Variants in TNXB observed in about 807,000 individuals in gnomAD.
TNXB encodes tenascin-X.
TNXB carries 183 observed loss-of-function variants against 340.5 expected under a neutral mutation model. The ratio of observed to expected loss-of-function variants is 0.54; its 90% CI spans 0.48 to 0.61. TNXB has a LOEUF of 0.61. Ranked by LOEUF, TNXB falls within the 20% of genes least tolerant of loss-of-function variation. The pLI is 0.00. For synonymous variants in TNXB, 2,121 were observed against 2,314.5 expected, an observed-to-expected ratio of 0.92 and a Z score of 2.40; for missense variants, 4,613 against 5,446.4, an observed-to-expected ratio of 0.85 and a Z score of 4.82.
Position 32,061,580 on chromosome 6 carries a change from G to T in TNXB, c.7309C>A (p.Arg2437Ser). ...LSLSWTVPQG[R>S]FDSFTVQYKD... Reference sequence around the variant, plus strand: ...TACTGCACGGTGAAGGAGTCGAAGCGGCCCTGGGGGACGGTCCAGGAGAGG... The same window carrying T: ...TACTGCACGGTGAAGGAGTCGAAGCTGCCCTGGGGGACGGTCCAGGAGAGG... The change falls in exon 21 of 44, where the codon CGC becomes AGC. Residue 2437 changes from arginine (R) to serine (S), a missense_variant. By Grantham distance (110) the Arg-to-Ser change is moderately radical. Transcript: ENST00000644971. The surrounding 1 kb of genome is among the most constrained non-coding windows in gnomAD (Gnocchi z 4.4). 6.2e-7 allele frequency: 1 copy of T among 1,613,244 alleles called. No individual in the cohort carries two copies.
rs1207791655 is a variant in TNXB, at chr6:32,048,047, T to G, written c.10046-35A>C. 1.9e-6 allele frequency: 3 copies of G among 1,586,776 alleles called. No homozygotes were observed. The Admixed American group carries it at 5.1e-5, about 27-fold the overall frequency. Reference sequence around the variant, plus strand: ...ACAGTGAGGTGCATGGAGAGTGGGATGGAGGCAAAGGGGCCACGGAGCTTC... The same window carrying G: ...ACAGTGAGGTGCATGGAGAGTGGGAGGGAGGCAAAGGGGCCACGGAGCTTC... On this transcript the variant is annotated intron_variant, in intron 29 of 43. Coordinates refer to ENST00000644971, the MANE Select transcript of TNXB (RefSeq NM_001365276.2).
At position 32,050,185 on chromosome 6, in the gene TNXB, C is replaced by T. The variant is rs1777187888; in HGVS notation, c.9252G>A (p.Glu3084=). ...DSLSLSWMVP[E]GQFDHFLVQY... is the part of the protein sequence containing the mutation. Reference sequence around the variant, plus strand: ...GGACCAGGAAGTGGTCAAACTGGCCCTCGGGAACCATCCAGGACAGGCTGA... The same window carrying T: ...GGACCAGGAAGTGGTCAAACTGGCCTTCGGGAACCATCCAGGACAGGCTGA... Residue 3084 remains glutamate (E), a synonymous_variant, in exon 27 of 44, where the codon GAG becomes GAA. Coordinates refer to ENST00000644971, the MANE Select transcript of TNXB (RefSeq NM_001365276.2). 6.2e-7 allele frequency: 1 copy of T among 1,613,854 alleles called. No homozygotes were observed. Among genetic ancestry groups the T allele is most frequent in the Non-Finnish European group, 8.5e-7 (1 of 1,179,888 alleles).
Position 32,049,233 on chromosome 6 carries a change from G to T in TNXB, c.9757+37C>A, listed in dbSNP as rs1777093031. The T allele has an allele frequency of 1.3e-6, 2 of 1,590,154 alleles. No individual in the cohort carries two copies. The highest frequency in any genetic ancestry group is 1.3e-5 in the African/African-American group (1 of 74,394). On this transcript the variant is annotated intron_variant, in intron 28 of 43. Coordinates refer to ENST00000644971, the MANE Select transcript of TNXB (RefSeq NM_001365276.2). The surrounding 1 kb of genome is among the most constrained non-coding windows in gnomAD (Gnocchi z 4.5). ...AGGAGAAACACAAGGGGGCTGCAGA[G>T]GTAAACCTGGGGACGAGGGCCTGTC...
At chr6:32,065,207 C>T (rs1778272801) in intron 18 of TNXB, 90 bp from the exon 19 acceptor site, 1 of 1,155,176 alleles carries the variant, frequency 8.7e-7, no homozygotes. Flanking sequence ...AAGGTGGGCC[C>T]AGTCTGGCCC....
In TNXB at chr6:32,089,866, C is replaced by T. The variant is rs1281217098; in HGVS notation, c.2359-487G>A. Among the ~76,000 whole-genome samples the T allele has an allele frequency of 2.6e-5, 4 of 152,178 alleles. No individual in the cohort carries two copies. The highest frequency in any genetic ancestry group is 4.4e-5 in the Non-Finnish European group (3 of 68,038). ...AGCTTTGCCCTGGCAACTCTGACTA[C>T]CTGGGCATGAGGAGCCTTTTCCTAA... On this transcript the variant is annotated intron_variant, in intron 4 of 43. Coordinates refer to ENST00000644971, the MANE Select transcript of TNXB (RefSeq NM_001365276.2). The surrounding 1 kb of genome is among the most constrained non-coding windows in gnomAD (Gnocchi z 6.2).
intron 3 of TNXB, 29 bp from the exon 4 acceptor site, chr6:32,095,220 T>C (rs945037646): frequency 4.6e-6 from 7 of 1,535,940 alleles, no homozygotes; most frequent in Non-Finnish European, 6.2e-6. Context: ...TAGGGAAAGC[T>C]GGTTAGCACA....
rs1363417213 is a variant in TNXB, at chr6:32,108,074, T to C, written c.-9+1107A>G. Among the ~76,000 whole-genome samples the C allele has an allele frequency of 1.3e-5, 2 of 152,112 alleles. No individual in the cohort carries two copies. Among genetic ancestry groups the C allele is most frequent in the African/African-American group, 4.8e-5 (2 of 41,416 alleles). Reference sequence around the variant, plus strand: ...TGCAATGAGAGACAGGAAGGCAGTTTCTGGTCCTGCACCTAGTGGCTAGGT... The same window carrying C: ...TGCAATGAGAGACAGGAAGGCAGTTCCTGGTCCTGCACCTAGTGGCTAGGT... On this transcript the variant is annotated intron_variant, in intron 1 of 43. Coordinates refer to ENST00000644971, the MANE Select transcript of TNXB (RefSeq NM_001365276.2). The surrounding 1 kb of genome is among the most constrained non-coding windows in gnomAD (Gnocchi z 4.8).
In TNXB at chr6:32,096,056, C is replaced by T. The variant is rs778563805; in HGVS notation, c.1797G>A (p.Val599=). 21 of 1,613,172 alleles carry T rather than the reference C, an allele frequency of 1.3e-5. 1 individual carries two copies. The highest frequency in any genetic ancestry group is 1.2e-4 in the South Asian group (11 of 91,034). The change falls in exon 3 of 44, where the codon GTG becomes GTA. Residue 599 remains valine, a synonymous_variant. Transcript: ENST00000644971. ...AACAGATGCACACACCGTCCTGGCA[C>T]ACGCCGTGCTGGCTGCAGTCATTCG... is the stretch of plus-strand genomic sequence containing the variant. The part of the protein sequence containing the change: ...QCPNDCSQHG[V]CQDGVCICWE...
At chr6:32,091,558 A>G (rs183782513) in intron 4 of TNXB, among the ~76,000 whole-genome samples, 4 of 148,660 alleles carry the variant, frequency 2.7e-5, no homozygotes, top group African/African-American at 1.0e-4. Context: ...GCTCACTACA[A>G]CCTCCGCCTC....
Position 32,058,080 on chromosome 6 carries a change from C to G in TNXB, c.7803G>C (p.Pro2601=), listed in dbSNP as rs749876302. The part of the protein sequence containing the change: ...YGLHEGRRLG[P]VSAVGVTEDE... Reference sequence around the variant, plus strand: ...CACCTGTGACGCCCACGGCAGACACCGGGCCCAGGCGCCGCCCCTCGTGGA... The same window carrying G: ...CACCTGTGACGCCCACGGCAGACACGGGGCCCAGGCGCCGCCCCTCGTGGA... Residue 2601 remains proline (P), a synonymous_variant, in exon 22 of 44, where the codon CCG becomes CCC. Coordinates refer to ENST00000644971, the MANE Select transcript of TNXB (RefSeq NM_001365276.2). The surrounding 1 kb of genome is among the most constrained non-coding windows in gnomAD (Gnocchi z 5.1). 5.0e-6 allele frequency: 8 copies of G among 1,610,796 alleles called. No individual in the cohort carries two copies. Among genetic ancestry groups the G allele is most frequent in the Non-Finnish European group, 5.9e-6 (7 of 1,178,538 alleles).
At position 32,097,848 on chromosome 6, in the gene TNXB, G is replaced by A. The variant is rs373536740; in HGVS notation, c.351C>T (p.Leu117=). The A allele has an allele frequency of 3.9e-6, 6 of 1,533,452 alleles. No individual in the cohort carries two copies. The African/African-American group carries it at 5.5e-5, about 14-fold the overall frequency. 95.0% of individuals were successfully genotyped at this position (1,533,452 alleles called of 1,614,324 possible). The change falls in exon 2 of 44, where the codon CTC becomes CTT. Residue 117 remains leucine, a synonymous_variant. Coordinates refer to ENST00000644971, the MANE Select transcript of TNXB (RefSeq NM_001365276.2). This position sits in a 1 kb window ranked among gnomAD's most constrained non-coding sequence, Gnocchi z 5.9. The stretch of plus-strand genomic sequence containing the variant: ...AACATCCCCCAGTGCACTGTTCCTT[G>A]AGCCCCTTCACCAACTCCTCCAGGA... The part of the protein sequence containing the change: ...LEILEELVKG[L]KEQCTGGCCP...
chr6:32,072,117 C>T lies in TNXB; in HGVS notation c.4863G>A (p.Val1621=). ...YKDRDGQPQV[V]PVAADQREVT... is the part of the protein sequence containing the mutation. ...CCTCCCGCTGATCTGCAGCCACGGG[C>T]ACCACCTGGGGCTGCCCGTCCCTGT... The change falls in exon 13 of 44, where the codon GTG becomes GTA. Residue 1621 remains valine, a synonymous_variant. Transcript: ENST00000644971. This position sits in a 1 kb window ranked among gnomAD's most constrained non-coding sequence, Gnocchi z 4.4. 1 of 1,613,148 alleles carries T rather than the reference C, an allele frequency of 6.2e-7. No individual in the cohort carries two copies. Among genetic ancestry groups the T allele is most frequent in the East Asian group, 2.2e-5 (1 of 44,880 alleles).
chr6:32,055,622 A>T (rs1777575602), intron 24 of TNXB, among the ~76,000 whole-genome samples: 1 of 152,076 alleles, frequency 6.6e-6, no homozygotes, highest in Non-Finnish European at 1.5e-5. Context: ...GAACTTTGCT[A>T]CTCAAGGGGC....
rs565728514 is a variant in TNXB at position 32,079,402 on chromosome 6, T to G, written c.4043-37A>C. Reference sequence around the variant, plus strand: ...GATAGAGGCATAAAGGGCTGCTGGCTTTGCTGCTGCTGCCCACAGATGACA... The same window carrying G: ...GATAGAGGCATAAAGGGCTGCTGGCGTTGCTGCTGCTGCCCACAGATGACA... On this transcript the variant is annotated intron_variant, in intron 10 of 43. Coordinates refer to ENST00000644971, the MANE Select transcript of TNXB (RefSeq NM_001365276.2). This position sits in a 1 kb window ranked among gnomAD's most constrained non-coding sequence, Gnocchi z 7.1. 5 of 1,513,278 alleles carry G rather than the reference T, an allele frequency of 3.3e-6. No homozygotes were observed. The South Asian group carries it at 6.2e-5, about 19-fold the overall frequency. The allele number at this position is 1,513,278 out of a possible 1,614,324, so 93.7% of individuals were successfully genotyped here.
rs1308761583 is a variant in TNXB, at chr6:32,074,090, C to T, written c.4376-138G>A. The T allele has an allele frequency of 1.8e-5, 14 of 799,114 alleles. No homozygotes were observed. Among genetic ancestry groups the T allele is most frequent in the Admixed American group, 3.1e-5 (1 of 32,180 alleles). The allele number at this position is 799,114 out of a possible 1,614,324, so 49.5% of individuals were successfully genotyped here. ...CCCAGAGCAGTGGGCGACCTCGGCT[C>T]ACTGCAGCCTCTGCCTCCCGGGTTC... On this transcript the variant is annotated intron_variant, in intron 11 of 43. Coordinates refer to ENST00000644971, the MANE Select transcript of TNXB (RefSeq NM_001365276.2). The surrounding 1 kb of genome is among the most constrained non-coding windows in gnomAD (Gnocchi z 5.5).
intron 22 of TNXB, 145 bp downstream of exon 22, chr6:32,057,913 C>G: frequency 3.6e-6 from 4 of 1,098,668 alleles, no homozygotes; most frequent in Non-Finnish European, 5.0e-6. Context: ...TGCAGCCTGT[C>G]TCTCCATGAC....
At position 32,055,891 on chromosome 6, in the gene TNXB, C is replaced by A; in HGVS notation, c.8427G>T (p.Glu2809Asp). ...TGGACACCGGGCCCACACGCCGCCCCTCGTGGAGGCCGTACAGGTGCATCT... is the reference window on the plus strand; with the variant it reads ...TGGACACCGGGCCCACACGCCGCCCATCGTGGAGGCCGTACAGGTGCATCT... ...KYKMHLYGLH[E>D]GRRVGPVSTV... The change falls in exon 24 of 44, where the codon GAG becomes GAT. Residue 2809 changes from glutamate (E) to aspartate (D), a missense_variant. Coordinates refer to ENST00000644971, the MANE Select transcript of TNXB (RefSeq NM_001365276.2). 1 of 1,613,142 alleles carries A rather than the reference C, an allele frequency of 6.2e-7. No individual in the cohort carries two copies. The highest frequency in any genetic ancestry group is 1.7e-4 in the Middle Eastern group (1 of 6,060).
chr6:32,095,064 C>T lies in TNXB; in HGVS notation c.2358+12G>A. Reference sequence around the variant, plus strand: ...CACTCAGTCCCCTCCTGGAGCCTGGCATCTCTCTCACCGTGGGGATGAACT... The same window carrying T: ...CACTCAGTCCCCTCCTGGAGCCTGGTATCTCTCTCACCGTGGGGATGAACT... On this transcript the variant is annotated intron_variant, in intron 4 of 43. Transcript: ENST00000644971. The T allele has an allele frequency of 6.5e-7, 1 of 1,544,824 alleles. No individual in the cohort carries two copies. Among genetic ancestry groups the T allele is most frequent in the Middle Eastern group, 1.7e-4 (1 of 5,974 alleles).
chr6:32,081,953 G>T lies in TNXB; in HGVS notation c.3736+83C>A. 2 of 1,383,406 alleles carry T rather than the reference G, an allele frequency of 1.4e-6. No homozygotes were observed. Among genetic ancestry groups the T allele is most frequent in the Non-Finnish European group, 2.0e-6 (2 of 1,020,380 alleles). The allele number at this position is 1,383,406 out of a possible 1,614,324, so 85.7% of individuals were successfully genotyped here. On this transcript the variant is annotated intron_variant, in intron 9 of 43. Coordinates refer to ENST00000644971, the MANE Select transcript of TNXB (RefSeq NM_001365276.2). The surrounding 1 kb of genome is among the most constrained non-coding windows in gnomAD (Gnocchi z 5.1). ...GCTGGAGTCAGCTGTCTTGCTGGGG[G>T]ACCCCAGCTGGTTTTGGGCTGAAGG...
Sources: gnomAD v4.1 joint callset for allele counts (sites outside exome capture counted in the v4.1 genomes callset) on GRCh38, gnomAD v4.1.1 for gene constraint, Gnocchi (gnomAD v3.1) non-coding constraint, MANE v1.5 for transcripts, NCBI Gene and HGNC (gene_info 2026-07-23, HGNC 2026-07-21) for gene names.